The following SLX4IP variants were observed in gnomAD, a reference collection of about 807,000 sequenced individuals.
SLX4IP encodes the protein protein SLX4IP.
SLX4IP carries 34 observed loss-of-function variants against 32.9 expected under a neutral mutation model. The ratio of observed to expected loss-of-function variants is 1.03; its 90% CI spans 0.79 to 1.38. The LOEUF (loss-of-function observed/expected upper bound fraction) is 1.38, where lower values mean the gene tolerates loss of function less well. SLX4IP is among the 40% of genes most tolerant of loss of function. The pLI is 0.00. For synonymous variants in SLX4IP, 172 were observed against 171.7 expected (o/e 1.00, Z -0.01); for missense variants, 444 against 479.0 (o/e 0.93, Z 0.68).
intron 2 of SLX4IP, among the ~76,000 whole-genome samples, chr20:10,520,775 C>G (rs1252398146): frequency 6.6e-6 from 1 of 152,140 alleles, no homozygotes; most frequent in East Asian, 1.9e-4. Context: ...CATATGTTTT[C>G]TTTTCTTTCC....
intron 2 of SLX4IP, among the ~76,000 whole-genome samples, chr20:10,539,508 A>G (rs1178637685): frequency 4.6e-5 from 7 of 152,106 alleles, no homozygotes; most frequent in African/African-American, 9.7e-5. Flanking sequence ...TAAAAAAAAA[A>G]AAGAAGAAAG....
At chr20:10,587,577 A>G (rs79508791) in intron 4 of SLX4IP, among the ~76,000 whole-genome samples, 7,580 of 152,198 alleles carry the variant, frequency 0.05, 268 homozygotes, top group South Asian at 0.084. Context: ...TCTAAAATAA[A>G]TATACATACA....
chr20:10,582,561 T>C (rs186181737), intron 4 of SLX4IP, among the ~76,000 whole-genome samples: 1 of 152,176 alleles, frequency 6.6e-6, no homozygotes, highest in Non-Finnish European at 1.5e-5. Context: ...CTGCAAGATG[T>C]GTGTGTATGT....
intron 2 of SLX4IP, among the ~76,000 whole-genome samples, chr20:10,510,170 T>C (rs1226163665): frequency 3.3e-5 from 5 of 152,244 alleles, no homozygotes; most frequent in Non-Finnish European, 7.3e-5. Flanking sequence ...AAATTTCCTT[T>C]TTAAAAGAAG....
At chr20:10,515,472 A>C (rs1203467257) in intron 2 of SLX4IP, among the ~76,000 whole-genome samples, 3 of 152,226 alleles carry the variant, frequency 2.0e-5, no homozygotes, top group African/African-American at 4.8e-5. Flanking sequence ...GCTCAGAAAG[A>C]AAGTATTAAA....
chr20:10,439,497 A>G (rs2065143209), intron 1 of SLX4IP, among the ~76,000 whole-genome samples: 1 of 152,236 alleles, frequency 6.6e-6, no homozygotes, highest in Admixed American at 6.5e-5. Context: ...AGTGTGAGCC[A>G]CGGGGGCTGG....
At chr20:10,522,212 G>T (rs1291947897) in intron 2 of SLX4IP, among the ~76,000 whole-genome samples, 5 of 152,196 alleles carry the variant, frequency 3.3e-5, no homozygotes, top group African/African-American at 1.2e-4. Flanking sequence ...AATGCACGTT[G>T]TGTTGCAGTT....
chr20:10,483,059 A>C (rs1419130437), intron 2 of SLX4IP, among the ~76,000 whole-genome samples: 2 of 152,228 alleles, frequency 1.3e-5, no homozygotes, highest in African/African-American at 4.8e-5. Context: ...GTGATACGTT[A>C]TCTATGTATT....
At chr20:10,569,116 C>G (rs2066430129) in intron 4 of SLX4IP, among the ~76,000 whole-genome samples, 1 of 151,770 alleles carries the variant, frequency 6.6e-6, no homozygotes, top group Non-Finnish European at 1.5e-5. Flanking sequence ...AGTCCGTGTA[C>G]TGACCCAAAT....
In SLX4IP at chr20:10,623,177, C is replaced by T. The variant is rs1019823241; in HGVS notation, c.1025C>T (p.Pro342Leu). The T allele has an allele frequency of 6.8e-6, 11 of 1,614,050 alleles. No individual in the cohort carries two copies. The African/African-American group carries it at 9.3e-5, about 14-fold the overall frequency. Residue 342 changes from proline to leucine, a missense_variant, in exon 8 of 8, where the codon CCA becomes CTA. Pro to Leu is a moderately conservative substitution (Grantham distance 98). Transcript: ENST00000334534. ...RVLPASELSD[P>L]GLLLKQDLAK... ...TTGCCAGCTTCAGAGTTGTCAGATC[C>T]AGGGTTACTTTTGAAACAAGATTTG...
At chr20:10,463,200 T>G (rs955657831) in intron 2 of SLX4IP, among the ~76,000 whole-genome samples, 2 of 152,214 alleles carry the variant, frequency 1.3e-5, no homozygotes, top group African/African-American at 4.8e-5. Context: ...GAAATTAACT[T>G]GTAAATGATT....
chr20:10,511,631 C>A (rs8114269), intron 2 of SLX4IP, among the ~76,000 whole-genome samples: 31,180 of 152,190 alleles, frequency 0.2, 3,282 homozygotes, highest in South Asian at 0.38. Flanking sequence ...TTGATGCTCA[C>A]CACCTCCCTG....
chr20:10,611,705 C>T (rs1006190476), intron 6 of SLX4IP, among the ~76,000 whole-genome samples: 3 of 152,150 alleles, frequency 2.0e-5, no homozygotes, highest in African/African-American at 7.2e-5. Context: ...TGTGATTTTC[C>T]AGGACAAAAT....
intron 1 of SLX4IP, among the ~76,000 whole-genome samples, chr20:10,443,580 G>C (rs1180152236): frequency 6.6e-6 from 1 of 152,188 alleles, no homozygotes; most frequent in African/African-American, 2.4e-5. Context: ...GGGAGAGCTG[G>C]AGCTGCATGT....
intron 1 of SLX4IP, among the ~76,000 whole-genome samples, chr20:10,454,454 A>G: frequency 6.6e-6 from 1 of 151,612 alleles, no homozygotes; most frequent in Non-Finnish European, 1.5e-5. Flanking sequence ...TGTTCAGAAG[A>G]CTCCACCTTC....
chr20:10,473,381 A>G (rs1385176654), intron 2 of SLX4IP, among the ~76,000 whole-genome samples: 1 of 152,202 alleles, frequency 6.6e-6, no homozygotes, highest in East Asian at 1.9e-4. Flanking sequence ...CAGTCATTGC[A>G]GTGATTTTAT....
intron 1 of SLX4IP, among the ~76,000 whole-genome samples, chr20:10,445,311 C>CTTTTTTTT (rs36058168): frequency 1.1e-5 from 1 of 90,192 alleles, no homozygotes; most frequent in Admixed American, 1.3e-4. Flanking sequence ...TTTTTTCTTT[C>CTTTTTTTT]TTTTTTTTTT....
At chr20:10,474,303 G>C (rs2065454867) in intron 2 of SLX4IP, among the ~76,000 whole-genome samples, 1 of 152,178 alleles carries the variant, frequency 6.6e-6, no homozygotes, top group Non-Finnish European at 1.5e-5. Flanking sequence ...AAGTAAGAAG[G>C]AGCTTCTTAC....
At chr20:10,513,268 C>T (rs577925742) in intron 2 of SLX4IP, among the ~76,000 whole-genome samples, 12 of 152,194 alleles carry the variant, frequency 7.9e-5, no homozygotes, top group East Asian at 3.9e-4. Context: ...GTTTTACTGA[C>T]GAGGAAACTG....
Sources: allele counts gnomAD v4.1 joint callset (sites outside exome capture counted in the v4.1 genomes callset), GRCh38; gene constraint gnomAD v4.1.1; transcripts MANE v1.5; gene names NCBI Gene and HGNC (gene_info 2026-07-23, HGNC 2026-07-21).